USP37: variants seen among roughly 807,000 people sequenced by gnomAD.
USP37 encodes ubiquitin carboxyl-terminal hydrolase 37.
In USP37, 27 loss-of-function variants were observed where a neutral mutation model predicts 124.0. The ratio of observed to expected loss-of-function variants is 0.22; its 90% CI spans 0.16 to 0.30. USP37 has a LOEUF of 0.30. USP37 is among the 10% of genes least tolerant of loss of function. USP37 has a pLI of 1.00. For synonymous variants in USP37, 365 were observed against 388.0 expected (o/e 0.94, Z 0.70); for missense variants, 889 against 1,140.4 (o/e 0.78, Z 3.17).
chr2:218,476,846 C>G lies in USP37; in HGVS notation c.2037G>C (p.Leu679=). 3 of 1,589,418 alleles carry G rather than the reference C, an allele frequency of 1.9e-6. No homozygotes were observed. Among genetic ancestry groups the G allele is most frequent in the Non-Finnish European group, 2.6e-6 (3 of 1,172,248 alleles). ...TTAAGAAAATATTACTTACTTTTTCCAGGTCTTCCTGCTGCTGTTCGTTGC... is the reference window on the plus strand; with the variant it reads ...TTAAGAAAATATTACTTACTTTTTCGAGGTCTTCCTGCTGCTGTTCGTTGC... ...MLGNEQQQED[L]EKDSKLCPIE... The change falls in exon 19 of 26, where the codon CTG becomes CTC. Residue 679 remains leucine, a synonymous_variant. Coordinates refer to ENST00000258399, the MANE Select transcript of USP37 (RefSeq NM_020935.3).
chr2:218,468,370 T>C (rs1690486409), intron 20 of USP37, among the ~76,000 whole-genome samples: 1 of 150,594 alleles, frequency 6.6e-6, no homozygotes, highest in African/African-American at 2.4e-5. Context: ...CCAAGTAGCA[T>C]GCACCACCAT....
chr2:218,465,912 T>C (rs960344820), intron 21 of USP37, 98 bp downstream of exon 21: 4 of 1,405,402 alleles, frequency 2.8e-6, no homozygotes, highest in Non-Finnish European at 3.8e-6. Flanking sequence ...TCTGGAACAA[T>C]GTCTGACACA....
At chr2:218,500,895 TTGAC>T (rs948499611) in intron 11 of USP37, 18 of 164,664 alleles carry the variant, frequency 1.1e-4, no homozygotes, top group Non-Finnish European at 1.9e-4. Flanking sequence ...GTCATCCTCT[TTGAC>T]TGAGCACGCA....
At chr2:218,566,472 T>C (rs940919643) in intron 1 of USP37, among the ~76,000 whole-genome samples, 5 of 152,310 alleles carry the variant, frequency 3.3e-5, no homozygotes, top group South Asian at 4.1e-4. Context: ...CAAAGAAATA[T>C]GTTACTACTG....
intron 10 of USP37, among the ~76,000 whole-genome samples, chr2:218,523,590 C>G (rs1158337615): frequency 6.6e-6 from 1 of 150,726 alleles, no homozygotes; most frequent in Non-Finnish European, 1.5e-5. Flanking sequence ...TTTTTTCATC[C>G]TTTTTCTGTG....
chr2:218,514,483 A>G lies in USP37; in HGVS notation c.864-4343T>C, dbSNP rs1690167797. 1.3e-5 allele frequency: 2 copies of G among 152,086 alleles called. 1 individual carries two copies. Among genetic ancestry groups the G allele is most frequent in the South Asian group, 4.1e-4 (2 of 4,830 alleles). The allele number at this position is 152,086 out of a possible 1,614,324, so 9.4% of individuals were successfully genotyped here. A position where few individuals can be genotyped will look rare whatever the true frequency, so the allele number is the denominator to read the frequency against. Reference sequence around the variant, plus strand: ...CATGATTGGATTGAGGTTATGCATTAGCAAACAATAACAGCTAAGTGACAT... The same window carrying G: ...CATGATTGGATTGAGGTTATGCATTGGCAAACAATAACAGCTAAGTGACAT... On this transcript the variant is annotated intron_variant, in intron 10 of 25. Transcript: ENST00000258399.
At chr2:218,488,260 G>T in intron 15 of USP37, 44 bp downstream of exon 15, 1 of 1,217,256 alleles carries the variant, frequency 8.2e-7, no homozygotes, top group South Asian at 1.4e-5. Flanking sequence ...AACTATCAAT[G>T]ATATAAAATT....
intron 10 of USP37, chr2:218,514,395 T>C (rs1425283814): frequency 2.0e-5 from 3 of 152,224 alleles, no homozygotes; most frequent in Non-Finnish European, 2.9e-5. Flanking sequence ...TTTGACAATT[T>C]TGAAGAGTAA....
At chr2:218,493,110 T>C (rs961753658) in intron 14 of USP37, among the ~76,000 whole-genome samples, 1 of 152,188 alleles carries the variant, frequency 6.6e-6, no homozygotes, top group Non-Finnish European at 1.5e-5. Context: ...GTAATGGTTT[T>C]TTTTAAAAAA....
chr2:218,503,628 T>C (rs1426411276), intron 11 of USP37, among the ~76,000 whole-genome samples: 2 of 152,104 alleles, frequency 1.3e-5, no homozygotes, highest in African/African-American at 2.4e-5. Flanking sequence ...GGCAGAAGAA[T>C]TGCTTGAACC....
rs34907421 is a variant in USP37 at position 218,556,503 on chromosome 2, G to GTTTTTTTTTT, written c.156+1985_156+1994dup. 2.4e-3 allele frequency among the ~76,000 whole-genome samples: 129 copies of GTTTTTTTTTT among 53,818 alleles called. 19 individuals are homozygous for GTTTTTTTTTT. Among genetic ancestry groups the GTTTTTTTTTT allele is most frequent in the East Asian group, 2.9e-3 (4 of 1,386 alleles). 35.3% of individuals were successfully genotyped at this position (53,818 alleles called of 152,430 possible). A position where few individuals can be genotyped will look rare whatever the true frequency, so the allele number is the denominator to read the frequency against. On this transcript the variant is annotated intron_variant, in intron 4 of 25. Coordinates refer to ENST00000258399, the MANE Select transcript of USP37 (RefSeq NM_020935.3). ...GTATTTGGTTACTCTGGGTTTTTCT[G>GTTTTTTTTTT]TTTTTTTTTTTTTTTTTTTTTTTTT...
At chr2:218,502,971 AC>A (rs1350035575) in intron 11 of USP37, among the ~76,000 whole-genome samples, 1 of 152,244 alleles carries the variant, frequency 6.6e-6, no homozygotes, top group Non-Finnish European at 1.5e-5. Context: ...CAGAAATTAT[AC>A]AAAAAAGAAG....
chr2:218,519,457 T>A (rs1292295345), intron 10 of USP37, among the ~76,000 whole-genome samples: 2 of 152,178 alleles, frequency 1.3e-5, no homozygotes, highest in Non-Finnish European at 2.9e-5. Flanking sequence ...TGTACTAGGC[T>A]CCCTATATTG....
At chr2:218,467,582 T>C (rs833078) in intron 20 of USP37, among the ~76,000 whole-genome samples, 150,726 of 152,194 alleles carry the variant, frequency 0.99, 74,653 homozygotes, top group Middle Eastern at 1. Flanking sequence ...CTCCCGACCT[T>C]GTGATCCGCC....
intron 17 of USP37, among the ~76,000 whole-genome samples, chr2:218,481,160 A>G (rs1050456220): frequency 6.6e-6 from 1 of 152,224 alleles, no homozygotes; most frequent in African/African-American, 2.4e-5. Flanking sequence ...AAAGGGGAAC[A>G]CTCAAAGAAG....
chr2:218,553,826 A>C, intron 4 of USP37, 102 bp from the exon 5 acceptor site: 1 of 1,171,658 alleles, frequency 8.5e-7, no homozygotes. Flanking sequence ...TGTTACATTT[A>C]TCACTCTTCC....
At chr2:218,509,950 A>G (rs772481295) in intron 11 of USP37, 29 bp downstream of exon 11, 2 of 1,501,466 alleles carry the variant, frequency 1.3e-6, no homozygotes, top group Non-Finnish European at 1.8e-6. Context: ...CTTTATAAAA[A>G]AGAAAGTAAA....
At chr2:218,503,586 A>G (rs1370772242) in intron 11 of USP37, among the ~76,000 whole-genome samples, 1 of 152,176 alleles carries the variant, frequency 6.6e-6, no homozygotes, top group Non-Finnish European at 1.5e-5. Context: ...GTGGTAGCAC[A>G]TGCCTATAAT....
chr2:218,554,357 C>A (rs1053752459), intron 4 of USP37, among the ~76,000 whole-genome samples: 1 of 152,100 alleles, frequency 6.6e-6, no homozygotes, highest in Non-Finnish European at 1.5e-5. Flanking sequence ...GTAGGGAATC[C>A]CTTATTTTCA....
Sources: allele counts gnomAD v4.1 joint callset (sites outside exome capture counted in the v4.1 genomes callset), GRCh38; gene constraint gnomAD v4.1.1; transcripts MANE v1.5; gene names NCBI Gene and HGNC (gene_info 2026-07-23, HGNC 2026-07-21).